PLCH1: variants seen among roughly 807,000 people sequenced by gnomAD.
PLCH1 encodes phospholipase C eta 1.
A neutral mutation model predicts 126.7 loss-of-function variants in PLCH1; 60 were observed. That is an observed-to-expected ratio of 0.47 (90% confidence interval 0.38 to 0.59). PLCH1 has a LOEUF of 0.59. Ranked by LOEUF, PLCH1 falls within the 20% of genes least tolerant of loss-of-function variation. PLCH1 has a pLI of 0.00. For missense variants in PLCH1, 1,723 were observed against 2,040.0 expected (o/e 0.84, Z 2.99); for synonymous variants, 719 against 734.9 (o/e 0.98, Z 0.35).
rs771236364 is a variant in PLCH1, at chr3:155,488,740, C to T, written c.2459G>A (p.Arg820Gln). The T allele has an allele frequency of 1.1e-5, 17 of 1,613,718 alleles. No individual in the cohort carries two copies. In the African/African-American group the frequency reaches 1.1e-4, roughly 10 times the overall value. The change falls in exon 20 of 23, where the codon CGG (arginine) becomes CAG (glutamine). Residue 820 changes from arginine to glutamine, a missense_variant. This residue lies in a region of PLCH1 where 776 missense variants were observed against 1,062.9 expected (regional missense o/e 0.73). Coordinates refer to ENST00000460012, the MANE Select transcript of PLCH1 (RefSeq NM_014996.4). ...GGGATCGTGATCCCACACAAGGAAC[C>T]GAACCAAAGCTATTTCTGGCATGTG... ...TVHMPEIALV[R>Q]FLVWDHDPIG...
intron 2 of PLCH1, among the ~76,000 whole-genome samples, chr3:155,686,954 A>G (rs1374510908): frequency 6.6e-6 from 1 of 152,224 alleles, no homozygotes; most frequent in Non-Finnish European, 1.5e-5. Context: ...AGTGTACTAG[A>G]AATGCCCCTT....
At chr3:155,530,052 A>G (rs950687118) in intron 10 of PLCH1, among the ~76,000 whole-genome samples, 20 of 152,100 alleles carry the variant, frequency 1.3e-4, no homozygotes, top group Non-Finnish European at 2.5e-4. Flanking sequence ...ACACCTGGCC[A>G]GCAATTTCTT....
chr3:155,477,580 G>A (rs1278662060), downstream of PLCH1, among the ~76,000 whole-genome samples: 1 of 151,984 alleles, frequency 6.6e-6, no homozygotes, highest in Non-Finnish European at 1.5e-5. Flanking sequence ...CAAAAAATGG[G>A]CAACAGATTT....
intron 6 of PLCH1, among the ~76,000 whole-genome samples, chr3:155,574,142 T>C (rs1729622091): frequency 6.6e-6 from 1 of 152,146 alleles, no homozygotes; most frequent in Admixed American, 6.5e-5. Flanking sequence ...CTCAAACTCC[T>C]GACCTCAAGT....
chr3:155,511,049 T>C (rs1189807307), intron 12 of PLCH1, among the ~76,000 whole-genome samples: 1 of 110,624 alleles, frequency 9.0e-6, no homozygotes, highest in East Asian at 2.4e-4. Flanking sequence ...GAGGCTTTGC[T>C]CATTTCTTTT....
At chr3:155,565,700 TTA>T (rs200695294) in intron 7 of PLCH1, among the ~76,000 whole-genome samples, 10,792 of 58,776 alleles carry the variant, frequency 0.18, 431 homozygotes, top group Middle Eastern at 0.32. Flanking sequence ...TTTTATTTAT[TTA>T]TTTTTTTTTT....
chr3:155,674,319 G>A (rs919389704), intron 2 of PLCH1, among the ~76,000 whole-genome samples: 1 of 152,032 alleles, frequency 6.6e-6, no homozygotes, highest in South Asian at 2.1e-4. Context: ...ATACTTCATG[G>A]TCTTCCTGCC....
chr3:155,600,618 A>C lies in PLCH1; in HGVS notation c.80-4240T>G, dbSNP rs73154288. Among the ~76,000 whole-genome samples, 1,244 of 151,226 alleles carry C rather than the reference A, an allele frequency of 8.2e-3. 9 individuals carry two copies. Among genetic ancestry groups the C allele is most frequent in the South Asian group, 0.02 (98 of 4,782 alleles). ...TAAGATAGCTAAAAAAAAAAAAAAAAAAGTTTATTTGGATACAATGCAGCA... is the reference window on the plus strand; with the variant it reads ...TAAGATAGCTAAAAAAAAAAAAAAACAAGTTTATTTGGATACAATGCAGCA... On this transcript the variant is annotated intron_variant, in intron 2 of 22. Coordinates refer to ENST00000460012, the MANE Select transcript of PLCH1 (RefSeq NM_014996.4).
chr3:155,701,499 T>C (rs891700197), intron 2 of PLCH1, among the ~76,000 whole-genome samples: 9 of 152,226 alleles, frequency 5.9e-5, no homozygotes, highest in African/African-American at 2.2e-4. Flanking sequence ...CAAAAGTCTA[T>C]TATTCTGCAC....
At chr3:155,473,758 C>A (rs1713394062) in intron 21 of PLCH1, among the ~76,000 whole-genome samples, 1 of 151,212 alleles carries the variant, frequency 6.6e-6, no homozygotes, top group Admixed American at 6.6e-5. Context: ...ACAGAGCCCT[C>A]AGAAATAACA....
intron 10 of PLCH1, among the ~76,000 whole-genome samples, chr3:155,533,112 G>A (rs1722909009): frequency 6.6e-6 from 1 of 152,260 alleles, no homozygotes; most frequent in African/African-American, 2.4e-5. Context: ...CTTTAGCAAA[G>A]AGACTGGTGG....
intron 6 of PLCH1, among the ~76,000 whole-genome samples, chr3:155,579,715 G>T (rs1577060101): frequency 6.6e-6 from 1 of 152,176 alleles, no homozygotes; most frequent in Non-Finnish European, 1.5e-5. Flanking sequence ...TCCTACTTGG[G>T]TATTGCCTGC....
chr3:155,724,595 A>G (rs1208139769), intron 1 of PLCH1, among the ~76,000 whole-genome samples: 1 of 152,128 alleles, frequency 6.6e-6, no homozygotes, highest in Non-Finnish European at 1.5e-5. Flanking sequence ...TGCATAGAAT[A>G]TCTTTTTTCA....
At chr3:155,731,038 C>T (rs1376516314) in intron 1 of PLCH1, among the ~76,000 whole-genome samples, 1 of 152,252 alleles carries the variant, frequency 6.6e-6, no homozygotes, top group Non-Finnish European at 1.5e-5. Flanking sequence ...GCCCTAGGCT[C>T]CAGACCTGCC....
At chr3:155,601,097 C>T (rs1733673040) in intron 2 of PLCH1, among the ~76,000 whole-genome samples, 1 of 152,146 alleles carries the variant, frequency 6.6e-6, no homozygotes, top group Non-Finnish European at 1.5e-5. Context: ...GCCTCAGCCT[C>T]CCGAGTAGCT....
rs181251700 is a variant in PLCH1 at position 155,461,263 on chromosome 3, C to G, written c.2938+24093G>C. Among the ~76,000 whole-genome samples, 20 of 152,170 alleles carry G rather than the reference C, an allele frequency of 1.3e-4. No homozygotes were observed. The East Asian group carries it at 2.1e-3, about 16-fold the overall frequency. ...GATACAGACATATCACAAGTTAGACCATAAGTACCTAATGATTAAGGGGCC... is the reference window on the plus strand; with the variant it reads ...GATACAGACATATCACAAGTTAGACGATAAGTACCTAATGATTAAGGGGCC... On this transcript the variant is annotated intron_variant, in intron 21 of 21. Coordinates refer to the PLCH1 transcript ENST00000494598.
intron 2 of PLCH1, among the ~76,000 whole-genome samples, chr3:155,655,150 C>T (rs1459004425): frequency 6.6e-6 from 1 of 152,124 alleles, no homozygotes; most frequent in Non-Finnish European, 1.5e-5. Flanking sequence ...CTAAAATATT[C>T]CCCAGCTAGG....
intron 11 of PLCH1, among the ~76,000 whole-genome samples, chr3:155,516,157 G>C (rs1156811280): frequency 6.6e-6 from 1 of 152,172 alleles, no homozygotes; most frequent in Non-Finnish European, 1.5e-5. Context: ...AAAAGAGTTG[G>C]CTCTTAACAT....
intron 2 of PLCH1, among the ~76,000 whole-genome samples, chr3:155,682,509 T>C (rs2109018264): frequency 6.6e-6 from 1 of 152,228 alleles, no homozygotes; most frequent in East Asian, 1.9e-4. Context: ...ATCAATCCTA[T>C]GTGATGCTTT....
Sources: allele counts gnomAD v4.1 joint callset (sites outside exome capture counted in the v4.1 genomes callset), GRCh38; gene constraint gnomAD v4.1.1; regional missense constraint gnomAD v4.1.1; transcripts MANE v1.5; gene names NCBI Gene and HGNC (gene_info 2026-07-23, HGNC 2026-07-21).